Variants in ZNF521 observed in about 807,000 individuals in gnomAD.
The protein encoded by ZNF521 is LYST-interacting protein 3.
In ZNF521, 14 loss-of-function variants were observed where a neutral mutation model predicts 105.5. The ratio of observed to expected loss-of-function variants is 0.13; its 90% confidence interval spans 0.09 to 0.21. The LOEUF is 0.21. ZNF521 is among the 10% of genes least tolerant of loss of function. The pLI is 1.00. For missense variants in ZNF521, 1,233 were observed against 1,629.7 expected, an observed-to-expected ratio of 0.76 and a Z score of 4.19; for synonymous variants, 635 against 606.0, an observed-to-expected ratio of 1.05 and a Z score of -0.70.
chr18:25,271,007 A>G (rs1909623983), intron 3 of ZNF521, among the ~76,000 whole-genome samples: 1 of 152,172 alleles, frequency 6.6e-6, no homozygotes, highest in Non-Finnish European at 1.5e-5. Flanking sequence ...TATTACATGA[A>G]TGTATATTTA....
intron 3 of ZNF521, among the ~76,000 whole-genome samples, chr18:25,283,032 G>A (rs749248225): frequency 2.6e-5 from 4 of 152,182 alleles, no homozygotes; most frequent in East Asian, 1.9e-4. Context: ...TAACCACAGC[G>A]TGCCTGCTTT....
chr18:25,142,988 T>C (rs888695566), intron 5 of ZNF521, among the ~76,000 whole-genome samples: 2 of 152,160 alleles, frequency 1.3e-5, no homozygotes, highest in South Asian at 2.1e-4. Context: ...TCACACCTGC[T>C]AGAGATGTTC....
chr18:25,302,214 G>GGA (rs1911687436), intron 3 of ZNF521: 1 of 151,824 alleles, frequency 6.6e-6, no homozygotes, highest in Non-Finnish European at 1.5e-5. Flanking sequence ...ATAGATGCTG[G>GGA]GAAAGGCTGT....
chr18:25,143,400 A>C (rs1476753295), intron 5 of ZNF521, among the ~76,000 whole-genome samples: 1 of 152,110 alleles, frequency 6.6e-6, no homozygotes, highest in Non-Finnish European at 1.5e-5. Context: ...ATGAAAAATT[A>C]AGGAAATATG....
intron 3 of ZNF521, among the ~76,000 whole-genome samples, chr18:25,317,500 T>C (rs2145131641): frequency 6.6e-6 from 1 of 152,274 alleles, no homozygotes; most frequent in Non-Finnish European, 1.5e-5. Context: ...ACTTGTAACA[T>C]GAGAGAGGAC....
chr18:25,282,761 T>TC (rs34845245), intron 3 of ZNF521, among the ~76,000 whole-genome samples: 2 of 151,766 alleles, frequency 1.3e-5, no homozygotes, highest in Admixed American at 1.3e-4. Context: ...TGCTTTTTTT[T>TC]CCCCCCTTTA....
chr18:25,186,481 C>T (rs1293352764), intron 5 of ZNF521, among the ~76,000 whole-genome samples: 2 of 152,140 alleles, frequency 1.3e-5, no homozygotes, highest in African/African-American at 4.8e-5. Context: ...ATAAGAAATA[C>T]AGCCATCTGA....
At chr18:25,287,260 A>C (rs1348184580) in intron 3 of ZNF521, among the ~76,000 whole-genome samples, 1 of 152,156 alleles carries the variant, frequency 6.6e-6, no homozygotes, top group Non-Finnish European at 1.5e-5. Context: ...AGAGAGCAGC[A>C]AATCCTAATT....
intron 5 of ZNF521, among the ~76,000 whole-genome samples, chr18:25,171,401 AAAG>A (rs1321383413): frequency 6.6e-6 from 1 of 152,160 alleles, no homozygotes; most frequent in East Asian, 1.9e-4. Context: ...TAATGGAACA[AAAG>A]AAAGTTATGG....
At chr18:25,314,640 A>C (rs1490859422) in intron 3 of ZNF521, among the ~76,000 whole-genome samples, 1 of 152,238 alleles carries the variant, frequency 6.6e-6, no homozygotes, top group African/African-American at 2.4e-5. Context: ...TGTTCCCCAA[A>C]GCTACAGCAG....
chr18:25,094,625 G>A (rs558180032), intron 5 of ZNF521, among the ~76,000 whole-genome samples: 1 of 152,114 alleles, frequency 6.6e-6, no homozygotes, highest in South Asian at 2.1e-4. Flanking sequence ...TTATTTTTAA[G>A]TTACACTGTG....
intron 5 of ZNF521, among the ~76,000 whole-genome samples, chr18:25,170,101 G>C (rs974590260): frequency 6.6e-6 from 1 of 151,466 alleles, no homozygotes; most frequent in African/African-American, 2.4e-5. Context: ...GATGTTAATA[G>C]AAGTAGTTTT....
At chr18:25,115,251 C>A (rs918186854) in intron 5 of ZNF521, among the ~76,000 whole-genome samples, 5 of 152,152 alleles carry the variant, frequency 3.3e-5, no homozygotes, top group African/African-American at 1.2e-4. Context: ...TGAGGGCTGA[C>A]CAGAAGTCAT....
At chr18:25,156,304 C>T (rs1334656170) in intron 5 of ZNF521, among the ~76,000 whole-genome samples, 2 of 152,184 alleles carry the variant, frequency 1.3e-5, no homozygotes, top group African/African-American at 4.8e-5. Flanking sequence ...AATTGAGAGT[C>T]CAGTTCCCAT....
At chr18:25,331,091 AC>A (rs1568082597) in intron 2 of ZNF521, among the ~76,000 whole-genome samples, 11 of 152,146 alleles carry the variant, frequency 7.2e-5, no homozygotes, top group Admixed American at 5.2e-4. Context: ...TCTTCCAACT[AC>A]CCTGATGCCT....
In ZNF521 at chr18:25,139,372, C is replaced by CAAAAAAAAAAAAAAAAAAAA. The variant is rs36175281; in HGVS notation, c.3659-47311_3659-47292dup. Among the ~76,000 whole-genome samples the CAAAAAAAAAAAAAAAAAAAA allele has an allele frequency of 5.6e-4, 29 of 51,390 alleles. 1 individual carries two copies. Among genetic ancestry groups the CAAAAAAAAAAAAAAAAAAAA allele is most frequent in the Non-Finnish European group, 8.5e-4 (25 of 29,418 alleles). 33.7% of individuals were successfully genotyped at this position (51,390 alleles called of 152,430 possible). ...TGGGCGACAGAGCAAGACTCTGTCT[C>CAAAAAAAAAAAAAAAAAAAA]AAAAAAAAAAAAAAAAAAAAAAAAA... is the stretch of plus-strand genomic sequence containing the variant. On this transcript the variant is annotated intron_variant, in intron 5 of 7. Coordinates refer to ENST00000361524, the MANE Select transcript of ZNF521 (RefSeq NM_015461.3).
chr18:25,327,258 A>T, intron 2 of ZNF521: 1 of 179,748 alleles, frequency 5.6e-6, no homozygotes, highest in Non-Finnish European at 1.1e-5. Flanking sequence ...CATGCTAAAT[A>T]AGTAAACAAA....
At chr18:25,115,806 T>C (rs758031773) in intron 5 of ZNF521, among the ~76,000 whole-genome samples, 2 of 151,730 alleles carry the variant, frequency 1.3e-5, no homozygotes, top group African/African-American at 2.4e-5. Context: ...TTTGAGGGAG[T>C]TGAGGTTGCT....
intron 5 of ZNF521, among the ~76,000 whole-genome samples, chr18:25,172,869 C>G (rs1401131834): frequency 6.6e-6 from 1 of 152,158 alleles, no homozygotes; most frequent in Non-Finnish European, 1.5e-5. Flanking sequence ...GAAGCTTACT[C>G]AAGGATGCAC....
Sources: gnomAD v4.1 joint callset for allele counts (sites outside exome capture counted in the v4.1 genomes callset) on GRCh38, gnomAD v4.1.1 for gene constraint, MANE v1.5 for transcripts, NCBI Gene and HGNC (gene_info 2026-07-23, HGNC 2026-07-21) for gene names.